The following ZC3H18 variants were observed in gnomAD, a reference collection of about 807,000 sequenced individuals.
The protein encoded by ZC3H18 is zinc finger CCCH domain-containing protein 18.
Under a neutral mutation model 106.1 loss-of-function variants are expected in ZC3H18, and 8 were observed. The ratio of observed to expected loss-of-function variants is 0.08; its 90% confidence interval spans 0.04 to 0.14. ZC3H18 has a LOEUF of 0.14. ZC3H18 is among the 10% of genes least tolerant of loss of function. The pLI, the probability that ZC3H18 is intolerant of heterozygous loss-of-function variation, is 1.00. For missense variants in ZC3H18, 1,318 were observed against 1,278.4 expected (o/e 1.03, Z -0.47); for synonymous variants, 635 against 522.1 (o/e 1.22, Z -2.95).
chr16:88,578,951 G>T (rs575496778), intron 2 of ZC3H18, among the ~76,000 whole-genome samples: 1 of 152,322 alleles, frequency 6.6e-6, no homozygotes, highest in African/African-American at 2.4e-5. Flanking sequence ...GCCTCCCACA[G>T]TGCTGGGATC....
At chr16:88,604,594 G>T (rs1267275347) in intron 6 of ZC3H18, among the ~76,000 whole-genome samples, 1 of 151,988 alleles carries the variant, frequency 6.6e-6, no homozygotes, top group Non-Finnish European at 1.5e-5. Context: ...GCTGAGGCAG[G>T]AGAATGGCGT....
rs758796614 is a variant in ZC3H18, at chr16:88,611,427, G to C, written c.1366G>C (p.Glu456Gln). 35 of 1,455,608 alleles carry C rather than the reference G, an allele frequency of 2.4e-5. No individual in the cohort carries two copies. Among genetic ancestry groups the C allele is most frequent in the Non-Finnish European group, 3.8e-6 (4 of 1,059,458 alleles). 90.2% of individuals were successfully genotyped at this position (1,455,608 alleles called of 1,614,324 possible). The change falls in exon 8 of 18, where the codon GAG becomes CAG. Residue 456 changes from glutamate to glutamine, a missense_variant. Around this residue, in one of 6 missense-constraint regions of ZC3H18, gnomAD observed 848 missense variants for 821.7 expected, o/e 1.03. Coordinates refer to ENST00000301011, the MANE Select transcript of ZC3H18 (RefSeq NM_144604.4). ...GCGGAGGAAGGAGGAGTGGGAGCGT[G>C]AGCGAGCCAAGCGGGACGAGAAGGA... ...RQRRKEEWER[E>Q]RAKRDEKDRQ...
chr16:88,574,119 C>G (rs990161222), intron 1 of ZC3H18, among the ~76,000 whole-genome samples: 4 of 152,084 alleles, frequency 2.6e-5, no homozygotes, highest in Admixed American at 6.5e-5. Context: ...AGGTGATCCA[C>G]CCGCGTCAGT....
At chr16:88,608,905 G>A (rs1389816727) in intron 6 of ZC3H18, 29 bp from the exon 7 acceptor site, 2 of 1,574,134 alleles carry the variant, frequency 1.3e-6, no homozygotes, top group Non-Finnish European at 8.7e-7. Flanking sequence ...CCTAAGTGAT[G>A]AGAGTTCTTT....
At chr16:88,614,928 C>T (rs1905487121) in intron 8 of ZC3H18, among the ~76,000 whole-genome samples, 2 of 152,230 alleles carry the variant, frequency 1.3e-5, no homozygotes, top group East Asian at 1.9e-4. Flanking sequence ...TGGGCTGCCC[C>T]CATTTCCTCC....
intron 9 of ZC3H18, 120 bp downstream of exon 9, chr16:88,622,508 A>G (rs1906029915): frequency 2.7e-6 from 3 of 1,120,874 alleles, no homozygotes; most frequent in Non-Finnish European, 3.7e-6. Flanking sequence ...TGGCGTCGTT[A>G]CCTGCAGACC....
intron 8 of ZC3H18, among the ~76,000 whole-genome samples, chr16:88,613,110 C>G (rs1346663139): frequency 6.6e-6 from 1 of 152,236 alleles, no homozygotes; most frequent in Non-Finnish European, 1.5e-5. Flanking sequence ...CCATTCAGAA[C>G]GTTTTGTAGA....
At chr16:88,589,455 TGCA>T (rs1166134993) in intron 3 of ZC3H18, among the ~76,000 whole-genome samples, 1 of 152,230 alleles carries the variant, frequency 6.6e-6, no homozygotes, top group Admixed American at 6.5e-5. Context: ...GGCCTGTCCA[TGCA>T]GTGGAATGCT....
chr16:88,577,186 G>C lies in ZC3H18; in HGVS notation c.63G>C (p.Gln21His). Reference protein sequence around the residue: ...PHSPEDEEQPQGLSDDDILRD... With the variant: ...PHSPEDEEQPHGLSDDDILRD... ...CTCCAGAGGATGAAGAGCAGCCACA[G>C]GGACTCTCGGACGATGACATTCTGA... Residue 21 changes from glutamine to histidine, a missense_variant, in exon 2 of 18, where the codon CAG becomes CAC. Around this residue, in one of 6 missense-constraint regions of ZC3H18, gnomAD observed 346 missense variants for 269.0 expected, o/e 1.29. Transcript: ENST00000301011. 1 of 1,609,508 alleles carries C rather than the reference G, an allele frequency of 6.2e-7. No individual in the cohort carries two copies. The highest frequency in any genetic ancestry group is 2.2e-5 in the East Asian group (1 of 44,824).
intron 3 of ZC3H18, chr16:88,587,552 A>C: frequency 6.5e-7 from 1 of 1,536,106 alleles, no homozygotes; most frequent in African/African-American, 1.4e-5. Context: ...ATGTTGTGAC[A>C]CCATTATCCA....
intron 8 of ZC3H18, among the ~76,000 whole-genome samples, chr16:88,615,669 G>T (rs193272935): frequency 6.6e-6 from 1 of 152,324 alleles, no homozygotes; most frequent in Admixed American, 6.5e-5. Flanking sequence ...CAGAGACATA[G>T]AAAGGCAGTG....
chr16:88,615,111 C>T (rs1206500228), intron 8 of ZC3H18, among the ~76,000 whole-genome samples: 1 of 150,850 alleles, frequency 6.6e-6, no homozygotes, highest in Non-Finnish European at 1.5e-5. Flanking sequence ...CGGGCTGCCC[C>T]CACCTGCTCC....
intron 3 of ZC3H18, among the ~76,000 whole-genome samples, chr16:88,592,093 G>T (rs1280284550): frequency 6.6e-6 from 1 of 152,234 alleles, no homozygotes; most frequent in Non-Finnish European, 1.5e-5. Flanking sequence ...TTGAGGAGCC[G>T]CCAAGCTGTC....
rs1313725770 is a variant in ZC3H18, at chr16:88,628,128, A to G, written c.2469+9A>G. On this transcript the variant is annotated intron_variant, in intron 15 of 17. Transcript: ENST00000301011. ...TGACACTGTTGAATAAGGTGAGGGC[A>G]AGGGCCCTCCTGGTGGCTGCCCCAG... is the stretch of plus-strand genomic sequence containing the variant. The G allele has an allele frequency of 6.2e-7, 1 of 1,610,916 alleles. No homozygotes were observed. Among genetic ancestry groups the G allele is most frequent in the East Asian group, 2.2e-5 (1 of 44,808 alleles).
At chr16:88,590,683 C>T (rs78635146) in intron 3 of ZC3H18, among the ~76,000 whole-genome samples, 13,884 of 150,068 alleles carry the variant, frequency 0.093, 755 homozygotes, top group Middle Eastern at 0.16. Context: ...TCTCAGACTC[C>T]CGAGTAGCTG....
chr16:88,623,034 G>A, intron 9 of ZC3H18, 185 bp from the exon 10 acceptor site: 3 of 781,814 alleles, frequency 3.8e-6, no homozygotes, highest in Non-Finnish European at 6.0e-6. Context: ...GGATGGCACT[G>A]AAGAGTGTCT....
chr16:88,581,621 C>G (rs1285012748), intron 2 of ZC3H18, among the ~76,000 whole-genome samples: 1 of 152,206 alleles, frequency 6.6e-6, no homozygotes, highest in African/African-American at 2.4e-5. Flanking sequence ...GAGGGCGTCC[C>G]TGACACCAGC....
chr16:88,607,648 G>A (rs1468884930), intron 6 of ZC3H18, among the ~76,000 whole-genome samples: 1 of 135,932 alleles, frequency 7.4e-6, no homozygotes, highest in East Asian at 2.2e-4. Context: ...TTATTCACAG[G>A]CTTCATGTCA....
chr16:88,623,058 T>TGCGTCTGTGCGC, intron 9 of ZC3H18, 161 bp from the exon 10 acceptor site: 1 of 972,872 alleles, frequency 1.0e-6, no homozygotes, highest in Non-Finnish European at 1.5e-6. Flanking sequence ...GGAGGCTGTA[T>TGCGTCTGTGCGC]GCGTCTGTGC....
Sources: allele counts gnomAD v4.1 joint callset (sites outside exome capture counted in the v4.1 genomes callset), GRCh38; gene constraint gnomAD v4.1.1; regional missense constraint gnomAD v4.1.1; transcripts MANE v1.5; gene names NCBI Gene and HGNC (gene_info 2026-07-23, HGNC 2026-07-21).